Variants in ATP2B1 observed in about 807,000 individuals in gnomAD.
The protein encoded by ATP2B1 is plasma membrane calcium-transporting ATPase 1.
A neutral mutation model predicts 124.2 loss-of-function variants in ATP2B1; 14 were observed. The ratio of observed to expected loss-of-function variants is 0.11; its 90% CI spans 0.07 to 0.18. The LOEUF is 0.18. Ranked by LOEUF, ATP2B1 falls within the 10% of genes least tolerant of loss-of-function variation. The probability of loss-of-function intolerance (pLI) is 1.00; values close to 1 mark genes in which losing one functional copy is unlikely to be tolerated. For missense variants in ATP2B1, 763 were observed against 1,466.1 expected (o/e 0.52, Z 7.83); for synonymous variants, 449 against 492.4 (o/e 0.91, Z 1.17).
chr12:89,594,150 C>CA (rs1418747640), intron 20 of ATP2B1: 1 of 151,952 alleles, frequency 6.6e-6, no homozygotes, highest in Non-Finnish European at 1.5e-5. Flanking sequence ...GAGATACATA[C>CA]AATAAAGCTC....
At chr12:89,631,200 T>C (rs574204106) in intron 5 of ATP2B1, among the ~76,000 whole-genome samples, 1 of 152,286 alleles carries the variant, frequency 6.6e-6, no homozygotes, top group Admixed American at 6.5e-5. Context: ...TTAGGTAAAT[T>C]TTAACAACTC....
chr12:89,644,456 T>C (rs1186005388), intron 2 of ATP2B1, among the ~76,000 whole-genome samples: 1 of 151,910 alleles, frequency 6.6e-6, no homozygotes, highest in African/African-American at 2.4e-5. Context: ...GATTCAAAGA[T>C]TTCAGAAAAT....
intron 2 of ATP2B1, among the ~76,000 whole-genome samples, chr12:89,654,398 A>G (rs183751690): frequency 6.6e-6 from 1 of 152,350 alleles, no homozygotes; most frequent in Admixed American, 6.5e-5. Context: ...ATGGTGTAGC[A>G]TATCTAAGGT....
intron 20 of ATP2B1, among the ~76,000 whole-genome samples, chr12:89,596,193 A>G (rs540692199): frequency 2.6e-5 from 4 of 152,242 alleles, no homozygotes; most frequent in Non-Finnish European, 5.9e-5. Flanking sequence ...TGAAAAAAAC[A>G]ATTATTTAAA....
chr12:89,592,487 C>G (rs1242224022), intron 20 of ATP2B1, among the ~76,000 whole-genome samples: 2 of 152,002 alleles, frequency 1.3e-5, no homozygotes, highest in African/African-American at 4.8e-5. Flanking sequence ...GAGTTTAGGG[C>G]CATGCACCCA....
Position 89,700,733 on chromosome 12 carries a change from C to A in ATP2B1, c.-222+7863G>T, listed in dbSNP as rs560267567. Among the ~76,000 whole-genome samples the A allele has an allele frequency of 6.6e-5, 10 of 152,286 alleles. No homozygotes were observed. The South Asian group carries it at 1.0e-3, about 16-fold the overall frequency. ...CACTCCTGTGCTACTCTTTGACCAA[C>A]AATTTTATTATGATTATTATTGCAA... On this transcript the variant is annotated intron_variant, in intron 1 of 20. Transcript: ENST00000428670.
intron 20 of ATP2B1, among the ~76,000 whole-genome samples, chr12:89,597,354 A>G (rs1874819200): frequency 6.6e-6 from 1 of 152,154 alleles, no homozygotes; most frequent in Non-Finnish European, 1.5e-5. Context: ...TCTTAATGTT[A>G]GCGAGTCACT....
At chr12:89,619,975 T>C in intron 11 of ATP2B1, 24 bp downstream of exon 11, 5 of 1,610,074 alleles carry the variant, frequency 3.1e-6, no homozygotes, top group Non-Finnish European at 4.2e-6. Context: ...CAGCAATTTA[T>C]TCATCCAAGC....
In ATP2B1 at chr12:89,604,254, TC is replaced by T; in HGVS notation, c.2534del (p.Gly845AspfsTer20). On this transcript the variant is annotated frameshift_variant, in exon 16 of 21. Coordinates refer to ENST00000428670, the MANE Select transcript of ATP2B1 (RefSeq NM_001366521.1). LOFTEE classifies it high-confidence loss of function. ...TTGAGATGCTGTCATAGACATTTCG[TC>T]CCCACATAACTGCTTTAACAATGCT... is the stretch of plus-strand genomic sequence containing the variant. ...FTSIVKAVMW[G>X]RNVYDSISKF... 1 of 1,613,968 alleles carries T rather than the reference TC, an allele frequency of 6.2e-7. No homozygotes were observed. Among genetic ancestry groups the T allele is most frequent in the Non-Finnish European group, 8.5e-7 (1 of 1,179,966 alleles).
chr12:89,591,117 G>C lies in ATP2B1; in HGVS notation c.3530C>G (p.Ser1177Cys), dbSNP rs763071645. Reference sequence around the variant, plus strand: ...TTTGTTGGGAGAGGGTGGAGGACTGGAGTTACGTTTTGTAGGAGCATCATC... The same window carrying C: ...TTTGTTGGGAGAGGGTGGAGGACTGCAGTTACGTTTTGTAGGAGCATCATC... ...AEDDAPTKRN[S>C]SPPPSPNKNN... is the part of the protein sequence containing the mutation. Residue 1177 changes from serine (S) to cysteine (C), a missense_variant, in exon 21 of 21, where the codon TCC becomes TGC. Physicochemically the swap from Ser to Cys is moderately radical, Grantham distance 112. Transcript: ENST00000428670. 1.2e-6 allele frequency: 2 copies of C among 1,613,238 alleles called. No individual in the cohort carries two copies. The highest frequency in any genetic ancestry group is 1.7e-5 in the Admixed American group (1 of 59,950).
chr12:89,705,095 T>C (rs1393397582), intron 1 of ATP2B1, among the ~76,000 whole-genome samples: 2 of 152,130 alleles, frequency 1.3e-5, no homozygotes, highest in African/African-American at 4.8e-5. Flanking sequence ...TGTTTGATAA[T>C]TTCTATAATA....
intron 20 of ATP2B1, chr12:89,598,495 T>C (rs1875134655): frequency 7.2e-7 from 1 of 1,380,148 alleles, no homozygotes; most frequent in Admixed American, 2.3e-5. Context: ...TGAAAAAGCC[T>C]GAACAATGAA....
At chr12:89,672,940 C>T (rs185607178) in intron 1 of ATP2B1, among the ~76,000 whole-genome samples, 2 of 152,336 alleles carry the variant, frequency 1.3e-5, no homozygotes, top group Admixed American at 1.3e-4. Context: ...ATTTTCCTTT[C>T]CAAGTTTAGC....
intron 1 of ATP2B1, among the ~76,000 whole-genome samples, chr12:89,678,593 A>T (rs139171442): frequency 4.6e-4 from 70 of 152,298 alleles, no homozygotes; most frequent in African/African-American, 1.6e-3. Flanking sequence ...AATGGGATAC[A>T]GCTTCAAGAC....
Position 89,588,579 on chromosome 12 carries a change from A to C in ATP2B1, c.*2405T>G, listed in dbSNP as rs1354523616. On this transcript the variant is annotated 3_prime_UTR_variant, in exon 21 of 21. Transcript: ENST00000428670. ...GCTTGCATTTTTTTCTACCTACATAATGCTCTGGAAATTTCTGGTAGAAAT... is the reference window on the plus strand; with the variant it reads ...GCTTGCATTTTTTTCTACCTACATACTGCTCTGGAAATTTCTGGTAGAAAT... The C allele has an allele frequency of 6.6e-6, 1 of 152,556 alleles. No individual in the cohort carries two copies. The highest frequency in any genetic ancestry group is 1.9e-4 in the East Asian group (1 of 5,202). 9.5% of individuals were successfully genotyped at this position (152,556 alleles called of 1,614,324 possible).
chr12:89,688,536 G>C (rs935200427), intron 1 of ATP2B1, among the ~76,000 whole-genome samples: 2 of 152,062 alleles, frequency 1.3e-5, no homozygotes, highest in African/African-American at 4.8e-5. Flanking sequence ...ATATAGGACA[G>C]AGACTACCTG....
At chr12:89,678,635 G>T (rs1888968122) in intron 1 of ATP2B1, among the ~76,000 whole-genome samples, 1 of 152,142 alleles carries the variant, frequency 6.6e-6, no homozygotes, top group Non-Finnish European at 1.5e-5. Context: ...TGGCAAATAG[G>T]AAGCTATTTT....
rs147096096 is a variant in ATP2B1, at chr12:89,609,322, T to C, written c.2442+615A>G. ...CATCAGTTCAGAACAAATTTTGCAATCAAATGAGTCTGCTGCAAAATTTAG... is the reference window on the plus strand; with the variant it reads ...CATCAGTTCAGAACAAATTTTGCAACCAAATGAGTCTGCTGCAAAATTTAG... On this transcript the variant is annotated intron_variant, in intron 15 of 20. Coordinates refer to ENST00000428670, the MANE Select transcript of ATP2B1 (RefSeq NM_001366521.1). Among the ~76,000 whole-genome samples, 66 of 152,264 alleles carry C rather than the reference T, an allele frequency of 4.3e-4. No individual in the cohort carries two copies. In the East Asian group the frequency reaches 0.011, roughly 25 times the overall value.
intron 1 of ATP2B1, among the ~76,000 whole-genome samples, chr12:89,687,717 A>T (rs1404090297): frequency 6.6e-6 from 1 of 152,128 alleles, no homozygotes; most frequent in Non-Finnish European, 1.5e-5. Flanking sequence ...TTGGGATTAA[A>T]TTCAACATGG....
Sources: gnomAD v4.1 joint callset for allele counts (sites outside exome capture counted in the v4.1 genomes callset) on GRCh38, gnomAD v4.1.1 for gene constraint, MANE v1.5 for transcripts, NCBI Gene and HGNC (gene_info 2026-07-23, HGNC 2026-07-21) for gene names.